The following SQOR variants were observed in gnomAD, a reference collection of about 807,000 sequenced individuals.
The protein encoded by SQOR is sulfide:quinone oxidoreductase, mitochondrial.
A neutral mutation model predicts 48.6 loss-of-function variants in SQOR; 39 were observed. The observed-to-expected ratio is 0.80, with a 90% CI of 0.62 to 1.05. SQOR has a LOEUF of 1.05. Ranked by LOEUF, SQOR falls within the 50% of genes least tolerant of loss-of-function variation. SQOR has a pLI of 0.00. For missense variants in SQOR, 561 were observed against 559.9 expected (o/e 1.00, Z -0.02); for synonymous variants, 220 against 206.2 (o/e 1.07, Z -0.57).
chr15:45,654,419 A>G (rs11632553), intron 1 of SQOR, among the ~76,000 whole-genome samples: 37,344 of 152,184 alleles, frequency 0.25, 4,925 homozygotes, highest in Admixed American at 0.32. Context: ...ATTCTGCTTC[A>G]TGACTATTAA....
chr15:45,641,177 C>A (rs1196541242), intron 1 of SQOR, among the ~76,000 whole-genome samples: 1 of 152,058 alleles, frequency 6.6e-6, no homozygotes, highest in Non-Finnish European at 1.5e-5. Flanking sequence ...TTCTGCTTAG[C>A]AATTGTATTG....
chr15:45,670,211 C>T (rs1889914508), intron 4 of SQOR, among the ~76,000 whole-genome samples: 2 of 152,240 alleles, frequency 1.3e-5, no homozygotes, highest in African/African-American at 2.4e-5. Flanking sequence ...TCAGCATGCT[C>T]ATGCCTTAAT....
At chr15:45,686,833 C>CA (rs950586555) in intron 7 of SQOR, among the ~76,000 whole-genome samples, 1 of 152,178 alleles carries the variant, frequency 6.6e-6, no homozygotes, top group African/African-American at 2.4e-5. Flanking sequence ...ATTTTTGAGA[C>CA]AGAGTCTCAT....
chr15:45,669,603 G>A (rs956277524), intron 3 of SQOR, among the ~76,000 whole-genome samples: 2 of 152,190 alleles, frequency 1.3e-5, no homozygotes, highest in Non-Finnish European at 2.9e-5. Context: ...GCTGTCTCAA[G>A]CTTTCTGGGG....
intron 3 of SQOR, 116 bp downstream of exon 3, chr15:45,662,241 G>A: frequency 1.9e-6 from 2 of 1,080,218 alleles, no homozygotes; most frequent in Non-Finnish European, 2.7e-6. Flanking sequence ...GTGTGTGCAT[G>A]AACGTATGTG....
intron 1 of SQOR, among the ~76,000 whole-genome samples, chr15:45,640,824 G>C (rs1378339275): frequency 1.3e-5 from 2 of 152,094 alleles, no homozygotes; most frequent in East Asian, 1.9e-4. Context: ...TCCACCTCAG[G>C]CTTCTTTTTC....
chr15:45,661,289 T>TAGAAAAAAAAAAAAAAAAA (rs777334925), intron 2 of SQOR, among the ~76,000 whole-genome samples: 2 of 84,376 alleles, frequency 2.4e-5, no homozygotes, highest in African/African-American at 9.2e-5. Context: ...AGACTCTGTC[T>TAGAAAAAAAAAAAAAAAAA]TAAAAAAAAA....
intron 4 of SQOR, among the ~76,000 whole-genome samples, chr15:45,670,439 T>C (rs1889918814): frequency 1.3e-5 from 2 of 152,190 alleles, no homozygotes; most frequent in Admixed American, 1.3e-4. Flanking sequence ...ACTGGGTTTT[T>C]AGTGTGAAGT....
At chr15:45,637,174 C>T (rs962144809) in intron 1 of SQOR, among the ~76,000 whole-genome samples, 1 of 152,132 alleles carries the variant, frequency 6.6e-6, no homozygotes, top group Non-Finnish European at 1.5e-5. Context: ...TTGGTAGAGA[C>T]AGGGTTTCAC....
intron 1 of SQOR, among the ~76,000 whole-genome samples, chr15:45,637,942 G>A (rs1013492276): frequency 1.3e-5 from 2 of 152,232 alleles, no homozygotes; most frequent in Admixed American, 6.5e-5. Context: ...AATAGGAGCA[G>A]TTTGGATAGC....
chr15:45,673,403 G>T (rs1044678803), intron 4 of SQOR, among the ~76,000 whole-genome samples: 1 of 152,106 alleles, frequency 6.6e-6, no homozygotes, highest in Admixed American at 6.5e-5. Context: ...TCTGAGCTGA[G>T]CCCATTCTGC....
At chr15:45,638,653 G>A (rs1232741914) in intron 1 of SQOR, among the ~76,000 whole-genome samples, 1 of 151,928 alleles carries the variant, frequency 6.6e-6, no homozygotes, top group Non-Finnish European at 1.5e-5. Context: ...GAACCGGAGA[G>A]GAGGAAGTTG....
intron 7 of SQOR, 43 bp from the exon 8 acceptor site, chr15:45,688,294 C>A: frequency 7.0e-7 from 1 of 1,428,564 alleles, no homozygotes; most frequent in Non-Finnish European, 9.7e-7. Context: ...TCATGGAAAA[C>A]CTTGATGCTT....
At chr15:45,644,391 G>A (rs674582) in intron 1 of SQOR, among the ~76,000 whole-genome samples, 39,797 of 151,948 alleles carry the variant, frequency 0.26, 6,526 homozygotes, top group East Asian at 0.64. Flanking sequence ...TGGCTTTTAA[G>A]ATGCCGCCTG....
intron 1 of SQOR, among the ~76,000 whole-genome samples, chr15:45,636,227 T>C (rs895443894): frequency 6.6e-5 from 10 of 152,126 alleles, no homozygotes; most frequent in African/African-American, 2.4e-4. Context: ...ATTTATGATA[T>C]GGTAATATAT....
intron 9 of SQOR, 77 bp downstream of exon 9, chr15:45,689,294 T>C: frequency 7.0e-7 from 1 of 1,438,380 alleles, no homozygotes. Flanking sequence ...GCAGCCTCTT[T>C]TCTTCATTAT....
At chr15:45,651,620 C>T (rs1192773083) in intron 1 of SQOR, among the ~76,000 whole-genome samples, 2 of 152,190 alleles carry the variant, frequency 1.3e-5, no homozygotes, top group Non-Finnish European at 2.9e-5. Flanking sequence ...CCACTATGCC[C>T]GTCTAATTTC....
rs761786928 is a variant in SQOR, at chr15:45,682,575, A to G, written c.962A>G (p.Glu321Gly). 1.2e-6 allele frequency: 2 copies of G among 1,614,222 alleles called. No homozygotes were observed. The highest frequency in any genetic ancestry group is 2.2e-5 in the South Asian group (2 of 91,088). Residue 321 changes from glutamate to glycine, a missense_variant, in exon 7 of 10, where the codon GAA (glutamate) becomes GGA (glycine). Physicochemically the swap from Glu to Gly is moderately conservative, Grantham distance 98. Coordinates refer to ENST00000260324, the MANE Select transcript of SQOR (RefSeq NM_021199.4). ...DAAGWVDVDK[E>G]TLQHRRYPNV... is the part of the protein sequence containing the mutation. The stretch of plus-strand genomic sequence containing the variant: ...GCTGGTTGGGTGGATGTGGATAAAG[A>G]AACTCTGCAACACAGGAGGTACCCA...
chr15:45,655,746 C>T (rs12440208), intron 1 of SQOR, among the ~76,000 whole-genome samples: 35,162 of 150,116 alleles, frequency 0.23, 4,398 homozygotes, highest in South Asian at 0.33. Context: ...TGCAGTGGCG[C>T]AATCTTGGCT....
Sources: allele counts gnomAD v4.1 joint callset (sites outside exome capture counted in the v4.1 genomes callset), GRCh38; gene constraint gnomAD v4.1.1; transcripts MANE v1.5; gene names NCBI Gene and HGNC (gene_info 2026-07-23, HGNC 2026-07-21).